Variants in SLC22A25 observed in about 807,000 individuals in gnomAD.
The protein encoded by SLC22A25 is solute carrier family 22 member 25, also known as MGI:2442751, MGI:2385316, MGI:3042283, MGI:3645714, MGI:3605624, MGI:2442750.
In SLC22A25, 44 loss-of-function variants were observed where a neutral mutation model predicts 45.9. That is an observed-to-expected ratio of 0.96 (90% CI 0.75 to 1.23). SLC22A25 has a LOEUF of 1.23. Among genes scored for constraint, SLC22A25 ranks in the 50% most tolerant of loss-of-function variants. SLC22A25 has a pLI of 0.00. For missense variants in SLC22A25, 800 were observed against 666.4 expected (o/e 1.20, Z -2.21); for synonymous variants, 283 against 238.6 (o/e 1.19, Z -1.72).
chr11:63,240,830 C>T (rs2090235898), intron 1 of SLC22A25, among the ~76,000 whole-genome samples: 1 of 152,150 alleles, frequency 6.6e-6, no homozygotes, highest in African/African-American at 2.4e-5. Flanking sequence ...GAGAGCAAGG[C>T]CTGTCTGTGT....
chr11:63,231,985 G>T (rs1251072357), intron 3 of SLC22A25, among the ~76,000 whole-genome samples: 1 of 152,052 alleles, frequency 6.6e-6, no homozygotes, highest in Non-Finnish European at 1.5e-5. Flanking sequence ...CTGTTCCGTT[G>T]GTCTATATCT....
intron 9 of SLC22A25, among the ~76,000 whole-genome samples, chr11:63,168,989 C>G (rs1191753714): frequency 2.0e-5 from 3 of 152,128 alleles, no homozygotes; most frequent in Non-Finnish European, 2.9e-5. Flanking sequence ...ACCCTACAAT[C>G]CAGAAGAGAG....
At chr11:63,193,622 ACAAAAAGGACATCCACAC>A (rs1367466526) in intron 7 of SLC22A25, among the ~76,000 whole-genome samples, 1 of 152,242 alleles carries the variant, frequency 6.6e-6, no homozygotes, top group Non-Finnish European at 1.5e-5. Context: ...ACCAACATCA[ACAAAAAGGACATCCACAC>A]CAAAACCCCA....
At chr11:63,236,155 T>C (rs1303898529) in intron 3 of SLC22A25, among the ~76,000 whole-genome samples, 1 of 152,206 alleles carries the variant, frequency 6.6e-6, no homozygotes, top group African/African-American at 2.4e-5. Context: ...GGAGAACCAC[T>C]ACTCTCTTCA....
At chr11:63,177,703 A>G (rs2134727179) in intron 9 of SLC22A25, among the ~76,000 whole-genome samples, 1 of 151,290 alleles carries the variant, frequency 6.6e-6, no homozygotes, top group South Asian at 2.1e-4. Flanking sequence ...ATGTCCTCCA[A>G]TTCCATCCAT....
At chr11:63,194,476 T>A (rs967645814) in intron 7 of SLC22A25, among the ~76,000 whole-genome samples, 16 of 151,994 alleles carry the variant, frequency 1.1e-4, no homozygotes, top group Non-Finnish European at 2.9e-5. Context: ...GCTTCATAAG[T>A]GAAGGAGACA....
intron 7 of SLC22A25, among the ~76,000 whole-genome samples, chr11:63,194,118 A>G (rs2088915544): frequency 6.6e-6 from 1 of 152,340 alleles, no homozygotes. Flanking sequence ...TAGAGAAAAG[A>G]GAGTAAAAAG....
intron 5 of SLC22A25, chr11:63,219,967 C>T (rs1234073146): frequency 1.6e-6 from 2 of 1,289,252 alleles, no homozygotes; most frequent in Non-Finnish European, 2.0e-6. Flanking sequence ...CAATGGGCAC[C>T]TCAAGTCCCT....
chr11:63,202,255 T>C (rs1007185682), intron 7 of SLC22A25, among the ~76,000 whole-genome samples: 2 of 152,030 alleles, frequency 1.3e-5, no homozygotes, highest in Admixed American at 6.6e-5. Context: ...CAGGAGTTTT[T>C]TTTTTTTTAA....
chr11:63,202,968 G>T (rs1044261866), intron 7 of SLC22A25, among the ~76,000 whole-genome samples: 27 of 152,198 alleles, frequency 1.8e-4, no homozygotes, highest in Non-Finnish European at 4.4e-5. Flanking sequence ...GGAGCAGGCA[G>T]CAATCTTTGC....
intron 5 of SLC22A25, among the ~76,000 whole-genome samples, chr11:63,227,350 G>T (rs981243576): frequency 6.6e-6 from 1 of 152,086 alleles, no homozygotes; most frequent in African/African-American, 2.4e-5. Context: ...GGGATATTTA[G>T]TTAGCAGGTA....
rs1364802965 is a variant in SLC22A25 at position 63,166,224 on chromosome 11, A to G, written c.1105T>C (p.Leu369=). 6.2e-7 allele frequency: 1 copy of G among 1,613,986 alleles called. No homozygotes were observed. Among genetic ancestry groups the G allele is most frequent in the East Asian group, 2.2e-5 (1 of 44,842 alleles). Residue 369 remains leucine (L), a synonymous_variant, in exon 10 of 12, where the codon TTG becomes CTG. Transcript: ENST00000306494. ...ASTIPFWGLT[L]HLQHLGNNVF... Reference sequence around the variant, plus strand: ...TTGTTTCCCAGATGCTGGAGGTGCAAAGTAAGGCCCCAAAAAGGGATGGTA... The same window carrying G: ...TTGTTTCCCAGATGCTGGAGGTGCAGAGTAAGGCCCCAAAAAGGGATGGTA...
intron 7 of SLC22A25, among the ~76,000 whole-genome samples, chr11:63,204,211 A>G (rs537945511): frequency 2.6e-5 from 4 of 152,350 alleles, no homozygotes; most frequent in African/African-American, 4.8e-5. Flanking sequence ...AACATACCAA[A>G]TTGTAAAGAC....
chr11:63,164,997 A>G (rs1389904833), intron 10 of SLC22A25, among the ~76,000 whole-genome samples: 2 of 152,168 alleles, frequency 1.3e-5, no homozygotes, highest in East Asian at 3.8e-4. Flanking sequence ...CATGTGGGCA[A>G]TACTAGGGAG....
chr11:63,238,767 C>A lies in SLC22A25; in HGVS notation c.-627G>T. The A allele has an allele frequency of 4.5e-6, 1 of 222,230 alleles. No individual in the cohort carries two copies. The highest frequency in any genetic ancestry group is 8.6e-5 in the South Asian group (1 of 11,618). The allele number at this position is 222,230 out of a possible 1,614,324, so 13.8% of individuals were successfully genotyped here. The stretch of plus-strand genomic sequence containing the variant: ...AGCTTCTGTTGTACACCCTGCTGTC[C>A]ACACACGGTTCCATGTCTGGTTCAT... On this transcript the variant is annotated 5_prime_UTR_variant, in exon 2 of 12. Transcript: ENST00000306494.
At chr11:63,215,112 A>G (rs992159771) in intron 7 of SLC22A25, among the ~76,000 whole-genome samples, 2 of 152,216 alleles carry the variant, frequency 1.3e-5, no homozygotes, top group Admixed American at 6.5e-5. Flanking sequence ...AAATCATTCT[A>G]CTATAAAGAC....
rs372468089 is a variant in SLC22A25 at position 63,229,490 on chromosome 11, C to A, written c.163G>T (p.Asp55Tyr). Residue 55 changes from aspartate (D) to tyrosine (Y), a missense_variant, in exon 4 of 12, where the codon GAC becomes TAC. Physicochemically the swap from Asp to Tyr is radical, Grantham distance 160. Coordinates refer to ENST00000306494, the MANE Select transcript of SLC22A25 (RefSeq NM_199352.6). ...LDHRCWVHIL[D>Y]NDTIPDNDPG... Reference sequence around the variant, plus strand: ...TCATTGTCAGGGATAGTGTCATTGTCCAGTATATGAACCCAGCAGCGATGA... The same window carrying A: ...TCATTGTCAGGGATAGTGTCATTGTACAGTATATGAACCCAGCAGCGATGA... 3.7e-6 allele frequency: 6 copies of A among 1,613,962 alleles called. No individual in the cohort carries two copies. Among genetic ancestry groups the A allele is most frequent in the Non-Finnish European group, 5.1e-6 (6 of 1,179,968 alleles).
intron 9 of SLC22A25, among the ~76,000 whole-genome samples, chr11:63,171,067 C>T (rs375505733): frequency 4.5e-4 from 68 of 152,190 alleles, no homozygotes; most frequent in East Asian, 3.3e-3. Context: ...AATAGCCACA[C>T]GATTATCTCA....
intron 5 of SLC22A25, chr11:63,218,009 T>C (rs1471403864): frequency 5.0e-6 from 3 of 595,566 alleles, no homozygotes; most frequent in Non-Finnish European, 9.3e-6. Flanking sequence ...GGCTGGGATG[T>C]TGAAATGTTA....
Sources: allele counts gnomAD v4.1 joint callset (sites outside exome capture counted in the v4.1 genomes callset), GRCh38; gene constraint gnomAD v4.1.1; transcripts MANE v1.5; gene names NCBI Gene and HGNC (gene_info 2026-07-23, HGNC 2026-07-21).